The following OVCH2 variants were observed in gnomAD, a reference collection of about 807,000 sequenced individuals.
OVCH2 encodes ovochymase-2.
Under a neutral mutation model 73.7 loss-of-function variants are expected in OVCH2, and 88 were observed. The observed-to-expected ratio is 1.19, with a 90% confidence interval of 1.01 to 1.43. OVCH2 has a LOEUF of 1.43. OVCH2 is among the 40% of genes most tolerant of loss of function. The pLI, the probability that OVCH2 is intolerant of heterozygous loss-of-function variation, is 0.00. For synonymous variants in OVCH2, 265 were observed against 234.5 expected (o/e 1.13, Z -1.19); for missense variants, 706 against 674.5 (o/e 1.05, Z -0.52).
the OVCH2 span, among the ~76,000 whole-genome samples, chr11:7,684,077 C>T: frequency 7.3e-5 from 11 of 151,534 alleles, no homozygotes; most frequent in African/African-American, 2.7e-4. Context: ...GCTTCCCCAT[C>T]CCCACTAGAC....
At chr11:7,689,801 T>C in intron 15 of OVCH2, 123 bp downstream of exon 15, 2 of 706,518 alleles carry the variant, frequency 2.8e-6, no homozygotes, top group Non-Finnish European at 5.1e-6. Context: ...CATTCTGGGG[T>C]ACTGGAGGTT....
At chr11:7,695,803 C>T in intron 10 of OVCH2, 93 bp from the exon 11 acceptor site, 8 of 1,488,436 alleles carry the variant, frequency 5.4e-6, no homozygotes, top group Non-Finnish European at 7.3e-6. Flanking sequence ...CATGATATTT[C>T]AGGATTGTCC....
rs763924011 is a variant in OVCH2 at position 7,696,447 on chromosome 11, C to T, written c.1141+18G>A. 1 of 1,613,828 alleles carries T rather than the reference C, an allele frequency of 6.2e-7. No homozygotes were observed. Among genetic ancestry groups the T allele is most frequent in the South Asian group, 1.1e-5 (1 of 91,032 alleles). On this transcript the variant is annotated intron_variant, in intron 10 of 15. Coordinates refer to ENST00000533663, the MANE Select transcript of OVCH2 (RefSeq NM_198185.7). Reference sequence around the variant, plus strand: ...ACTTGGCACTGGTTTCCATTTGACACTGTGAAAATCCACTCACCAATGGGT... The same window carrying T: ...ACTTGGCACTGGTTTCCATTTGACATTGTGAAAATCCACTCACCAATGGGT...
In OVCH2 at chr11:7,689,528, C is replaced by T. The variant is rs1327577376; in HGVS notation, c.*106G>A. On this transcript the variant is annotated 3_prime_UTR_variant, in exon 16 of 16. Transcript: ENST00000533663. ...CAGCAGGGATGGCTCTGTCTGAGGG[C>T]TGTGACGAGGAGTCTGCCCCAAGCC... 9.5e-6 allele frequency: 4 copies of T among 423,026 alleles called. No individual in the cohort carries two copies. The highest frequency in any genetic ancestry group is 9.6e-6 in the Non-Finnish European group (2 of 209,386). The allele number at this position is 423,026 out of a possible 1,614,324, so 26.2% of individuals were successfully genotyped here. A position where few individuals can be genotyped will look rare whatever the true frequency, so the allele number is the denominator to read the frequency against.
At chr11:7,685,282 A>T (rs1165140707), downstream of OVCH2, among the ~76,000 whole-genome samples, 3 of 152,198 alleles carry the variant, frequency 2.0e-5, no homozygotes, top group African/African-American at 7.2e-5. Flanking sequence ...GCAGACTTGT[A>T]CCGAACTACG....
chr11:7,688,056 C>T (rs1354299255), downstream of OVCH2, among the ~76,000 whole-genome samples: 3 of 152,124 alleles, frequency 2.0e-5, no homozygotes, highest in African/African-American at 4.8e-5. Flanking sequence ...TTGGTGGGAG[C>T]GCAAACATTC....
intron 11 of OVCH2, 61 bp from the exon 12 acceptor site, chr11:7,695,249 G>A: frequency 6.8e-7 from 1 of 1,481,218 alleles, no homozygotes; most frequent in Non-Finnish European, 9.0e-7. Context: ...AATTCTCACT[G>A]CTCTCCCTCC....
intron 13 of OVCH2, 59 bp from the exon 14 acceptor site, chr11:7,691,459 T>C: frequency 6.5e-7 from 1 of 1,543,210 alleles, no homozygotes; most frequent in South Asian, 1.2e-5. Context: ...AGCCATGGCA[T>C]TGGAGAGAAG....
chr11:7,687,661 T>C (rs1459124620), downstream of OVCH2, among the ~76,000 whole-genome samples: 7 of 152,310 alleles, frequency 4.6e-5, no homozygotes, highest in East Asian at 9.7e-4. Context: ...CCCATTGTTA[T>C]GTTACTAGAT....
intron 11 of OVCH2, 138 bp from the exon 12 acceptor site, chr11:7,695,326 A>T: frequency 8.9e-7 from 1 of 1,118,750 alleles, no homozygotes; most frequent in Non-Finnish European, 1.3e-6. Flanking sequence ...GACGTAGTGC[A>T]TGATTCTCCA....
At chr11:7,698,832 A>G in intron 7 of OVCH2, 59 bp from the exon 8 acceptor site, 1 of 1,556,372 alleles carries the variant, frequency 6.4e-7, no homozygotes, top group African/African-American at 1.4e-5. Flanking sequence ...CAACGCTTCA[A>G]GAAGTTAGCA....
downstream of OVCH2, among the ~76,000 whole-genome samples, chr11:7,684,925 C>G (rs1307535469): frequency 6.6e-6 from 1 of 152,186 alleles, no homozygotes; most frequent in Non-Finnish European, 1.5e-5. Flanking sequence ...GCATTTGTCT[C>G]TCTCTCTTGA....
Position 7,696,818 on chromosome 11 carries a change from A to G in OVCH2, c.926-19T>C. 1 of 1,593,898 alleles carries G rather than the reference A, an allele frequency of 6.3e-7. No homozygotes were observed. The highest frequency in any genetic ancestry group is 1.3e-5 in the African/African-American group (1 of 74,652). On this transcript the variant is annotated intron_variant, in intron 8 of 15. Transcript: ENST00000533663. Reference sequence around the variant, plus strand: ...CACCAGGCTGGGAGGGAAAGCCAGGAGAGTCAGGGTTAGTTATGCCAGTTA... The same window carrying G: ...CACCAGGCTGGGAGGGAAAGCCAGGGGAGTCAGGGTTAGTTATGCCAGTTA...
At chr11:7,692,447 C>G (rs894303804) in intron 12 of OVCH2, among the ~76,000 whole-genome samples, 1 of 152,174 alleles carries the variant, frequency 6.6e-6, no homozygotes, top group Admixed American at 6.5e-5. Flanking sequence ...CCTTGGAGAC[C>G]GTGTCTTTCT....
At chr11:7,696,908 T>C in intron 8 of OVCH2, 109 bp from the exon 9 acceptor site, 1 of 964,674 alleles carries the variant, frequency 1.0e-6, no homozygotes, top group Non-Finnish European at 1.6e-6. Context: ...CTTGATGTAC[T>C]CTTCGTTCTT....
intron 12 of OVCH2, among the ~76,000 whole-genome samples, chr11:7,692,341 C>T (rs1856238458): frequency 6.6e-6 from 1 of 152,186 alleles, no homozygotes; most frequent in Non-Finnish European, 1.5e-5. Flanking sequence ...ATACACAAAA[C>T]TGCTTCTCTG....
intron 12 of OVCH2, among the ~76,000 whole-genome samples, chr11:7,694,258 A>T (rs1403911014): frequency 6.6e-6 from 1 of 152,194 alleles, no homozygotes; most frequent in Non-Finnish European, 1.5e-5. Context: ...CTCTCTGCAG[A>T]TGGTCCATTA....
intron 1 of OVCH2, 106 bp downstream of exon 1, chr11:7,706,201 T>C (rs1856527026): frequency 8.6e-7 from 1 of 1,166,980 alleles, no homozygotes; most frequent in Non-Finnish European, 1.2e-6. Context: ...CCAAAATATA[T>C]TTGCTTCTCC....
chr11:7,691,699 T>C (rs1410803823), intron 13 of OVCH2, among the ~76,000 whole-genome samples: 2 of 152,186 alleles, frequency 1.3e-5, no homozygotes, highest in Non-Finnish European at 2.9e-5. Flanking sequence ...GCCTTTTGCA[T>C]TTCTGTTTCA....
Sources: gnomAD v4.1 joint callset for allele counts (sites outside exome capture counted in the v4.1 genomes callset) on GRCh38, gnomAD v4.1.1 for gene constraint, MANE v1.5 for transcripts, NCBI Gene and HGNC (gene_info 2026-07-23, HGNC 2026-07-21) for gene names.